ZNF385B: variants seen among roughly 807,000 people sequenced by gnomAD.
ZNF385B encodes zinc finger protein 533.
ZNF385B carries 23 observed loss-of-function variants against 39.2 expected under a neutral mutation model. The observed-to-expected ratio is 0.59, with a 90% CI of 0.42 to 0.83. The LOEUF is 0.83. Ranked by LOEUF, ZNF385B falls within the 40% of genes least tolerant of loss-of-function variation. The pLI is 0.00. For missense variants in ZNF385B, 552 were observed against 598.9 expected, an observed-to-expected ratio of 0.92 and a Z score of 0.82; for synonymous variants, 205 against 222.6, an observed-to-expected ratio of 0.92 and a Z score of 0.70.
rs571278703 is a variant in ZNF385B, at chr2:179,840,774, A to G, written c.-155+20327T>C. ...AGAACCTGTACTCTTCTCTCTGCCA[A>G]TGCATTGATAAAGGCCACATTTATC... On this transcript the variant is annotated intron_variant, in intron 1 of 9. Transcript: ENST00000410066. Among the ~76,000 whole-genome samples the G allele has an allele frequency of 1.1e-4, 16 of 152,328 alleles. No homozygotes were observed. The South Asian group carries it at 2.3e-3, about 22-fold the overall frequency.
intron 3 of ZNF385B, among the ~76,000 whole-genome samples, chr2:179,597,229 G>A (rs760058936): frequency 2.0e-5 from 3 of 152,058 alleles, no homozygotes; most frequent in Non-Finnish European, 2.9e-5. Context: ...GCCACTTCAG[G>A]TACCTAATTT....
chr2:179,796,395 C>G (rs910695614), intron 1 of ZNF385B: 4 of 152,118 alleles, frequency 2.6e-5, no homozygotes, highest in African/African-American at 9.7e-5. Flanking sequence ...TAGATTCCCC[C>G]ACTCCTGTGT....
chr2:179,527,177 C>T (rs180914722), intron 4 of ZNF385B, among the ~76,000 whole-genome samples: 131 of 152,232 alleles, frequency 8.6e-4, no homozygotes, highest in Admixed American at 2.9e-3. Context: ...TTAAGCAGGA[C>T]CCCAGGATTT....
At chr2:179,852,454 G>A (rs1289851206) in intron 1 of ZNF385B, among the ~76,000 whole-genome samples, 1 of 152,134 alleles carries the variant, frequency 6.6e-6, no homozygotes, top group Non-Finnish European at 1.5e-5. Flanking sequence ...AAAAATCGCT[G>A]GCTCCAGGAC....
intron 3 of ZNF385B, among the ~76,000 whole-genome samples, chr2:179,700,284 C>G (rs1699089170): frequency 1.3e-5 from 2 of 152,150 alleles, no homozygotes; most frequent in Non-Finnish European, 2.9e-5. Flanking sequence ...CTGACTGTGT[C>G]CTCACAGGTC....
intron 3 of ZNF385B, among the ~76,000 whole-genome samples, chr2:179,734,907 A>T (rs1701641226): frequency 6.6e-6 from 1 of 152,216 alleles, no homozygotes; most frequent in Non-Finnish European, 1.5e-5. Context: ...CTTAAACGTC[A>T]GACCTAAAAC....
chr2:179,491,471 T>C (rs1217070796), intron 5 of ZNF385B, among the ~76,000 whole-genome samples: 1 of 152,114 alleles, frequency 6.6e-6, no homozygotes, highest in Non-Finnish European at 1.5e-5. Context: ...AATCACAAAC[T>C]TCATGAATAA....
chr2:179,835,236 G>A (rs779397934), intron 1 of ZNF385B, among the ~76,000 whole-genome samples: 2 of 152,204 alleles, frequency 1.3e-5, no homozygotes, highest in Non-Finnish European at 2.9e-5. Context: ...AACCAAATGT[G>A]TATACAGAAA....
chr2:179,691,809 TTAAC>T (rs1409565776), intron 3 of ZNF385B, among the ~76,000 whole-genome samples: 15 of 152,292 alleles, frequency 9.8e-5, no homozygotes, highest in Non-Finnish European at 2.2e-4. Flanking sequence ...AAATTCAAGT[TTAAC>T]TGGGTATCTT....
chr2:179,686,618 T>C (rs918853210), intron 3 of ZNF385B, among the ~76,000 whole-genome samples: 1 of 152,132 alleles, frequency 6.6e-6, no homozygotes, highest in African/African-American at 2.4e-5. Context: ...GTTAGGACAA[T>C]GTTTTGAGTT....
chr2:179,529,615 A>T (rs1409440695), intron 4 of ZNF385B, among the ~76,000 whole-genome samples: 1 of 152,202 alleles, frequency 6.6e-6, no homozygotes, highest in Non-Finnish European at 1.5e-5. Flanking sequence ...TCTTTCAGGG[A>T]ATTAATAAGA....
At chr2:179,447,813 C>A (rs1184630628) in intron 6 of ZNF385B, among the ~76,000 whole-genome samples, 2 of 152,118 alleles carry the variant, frequency 1.3e-5, no homozygotes, top group Non-Finnish European at 2.9e-5. Flanking sequence ...AGAGACTAGG[C>A]AACAGCAATG....
At chr2:179,577,633 T>C (rs1175152236) in intron 3 of ZNF385B, among the ~76,000 whole-genome samples, 1 of 152,082 alleles carries the variant, frequency 6.6e-6, no homozygotes, top group Non-Finnish European at 1.5e-5. Flanking sequence ...ACCTTATAAA[T>C]TGAAAATTTT....
At chr2:179,833,956 A>C (rs1708114365) in intron 1 of ZNF385B, among the ~76,000 whole-genome samples, 1 of 152,152 alleles carries the variant, frequency 6.6e-6, no homozygotes. Flanking sequence ...ATATTGGTGT[A>C]GCAATTCTAA....
Position 179,658,354 on chromosome 2 carries a change from G to A in ZNF385B, c.298+111149C>T, listed in dbSNP as rs115299966. 8.0e-3 allele frequency among the ~76,000 whole-genome samples: 1,221 copies of A among 152,244 alleles called. 13 individuals are homozygous for A. The highest frequency in any genetic ancestry group is 0.027 in the African/African-American group (1,126 of 41,540). ...GTTTCCATGTGAAAAGACTGTCCTT[G>A]TTTAAAATCTCCAATGCATTTTACA... On this transcript the variant is annotated intron_variant, in intron 3 of 9. Transcript: ENST00000410066.
chr2:179,823,888 G>A (rs1707538201), intron 1 of ZNF385B, among the ~76,000 whole-genome samples: 2 of 152,086 alleles, frequency 1.3e-5, no homozygotes, highest in South Asian at 2.1e-4. Flanking sequence ...AGTTAGAATT[G>A]TTTTTGGTTG....
At chr2:179,850,359 T>C (rs1442310654) in intron 1 of ZNF385B, among the ~76,000 whole-genome samples, 1 of 152,210 alleles carries the variant, frequency 6.6e-6, no homozygotes, top group Non-Finnish European at 1.5e-5. Flanking sequence ...TCACATATTT[T>C]CAGCTAGAGG....
chr2:179,712,051 A>T (rs1700040970), intron 3 of ZNF385B, among the ~76,000 whole-genome samples: 1 of 152,056 alleles, frequency 6.6e-6, no homozygotes. Flanking sequence ...TGAAGTCAAT[A>T]GGTTCTGGCA....
chr2:179,810,737 T>G (rs1706681425), intron 1 of ZNF385B, among the ~76,000 whole-genome samples: 1 of 152,116 alleles, frequency 6.6e-6, no homozygotes, highest in Admixed American at 6.5e-5. Flanking sequence ...CAATTTTGGT[T>G]GTTTTCTCTT....
Sources: allele counts gnomAD v4.1 joint callset (sites outside exome capture counted in the v4.1 genomes callset), GRCh38; gene constraint gnomAD v4.1.1; transcripts MANE v1.5; gene names NCBI Gene and HGNC (gene_info 2026-07-23, HGNC 2026-07-21).